TBC1D22A: variants seen among roughly 807,000 people sequenced by gnomAD.
TBC1D22A encodes the protein putative GTPase activator.
A neutral mutation model predicts 60.2 loss-of-function variants in TBC1D22A; 38 were observed. The observed-to-expected ratio is 0.63, with a 90% CI of 0.49 to 0.83. TBC1D22A has a LOEUF of 0.83. Ranked by LOEUF, TBC1D22A falls within the 40% of genes least tolerant of loss-of-function variation. TBC1D22A has a pLI of 0.00. For missense variants in TBC1D22A, 628 were observed against 701.0 expected, an observed-to-expected ratio of 0.90 and a Z score of 1.18; for synonymous variants, 302 against 281.7, an observed-to-expected ratio of 1.07 and a Z score of -0.72.
chr22:47,170,485 A>G (rs1271761350), intron 12 of TBC1D22A, among the ~76,000 whole-genome samples: 1 of 152,214 alleles, frequency 6.6e-6, no homozygotes, highest in African/African-American at 2.4e-5. Context: ...TTAGCCAGTG[A>G]AATTCGCTCC....
intron 4 of TBC1D22A, among the ~76,000 whole-genome samples, chr22:46,803,392 A>T (rs1412488523): frequency 6.6e-6 from 1 of 152,118 alleles, no homozygotes; most frequent in Non-Finnish European, 1.5e-5. Context: ...TGGAGGCCTG[A>T]GGAAGGGCGG....
chr22:46,793,412 G>T, intron 2 of TBC1D22A, 89 bp from the exon 3 acceptor site: 1 of 1,268,326 alleles, frequency 7.9e-7, no homozygotes, highest in Non-Finnish European at 1.1e-6. Flanking sequence ...ACACTTCTAT[G>T]CCTGTCTTTT....
chr22:46,985,239 G>T (rs573022116), intron 9 of TBC1D22A, among the ~76,000 whole-genome samples: 1 of 152,194 alleles, frequency 6.6e-6, no homozygotes, highest in Non-Finnish European at 1.5e-5. Context: ...CCTGGACGGG[G>T]CAGTGGAGCG....
At chr22:47,010,461 G>A (rs2061721238) in intron 10 of TBC1D22A, among the ~76,000 whole-genome samples, 1 of 152,240 alleles carries the variant, frequency 6.6e-6, no homozygotes, top group Admixed American at 6.5e-5. Context: ...TTGCTGTTAT[G>A]TGCGACCTAA....
intron 4 of TBC1D22A, among the ~76,000 whole-genome samples, chr22:46,841,337 A>G (rs1292355149): frequency 6.6e-6 from 1 of 152,236 alleles, no homozygotes; most frequent in Non-Finnish European, 1.5e-5. Context: ...CCGTTCCGCC[A>G]TGTGAGGACA....
At chr22:46,795,452 A>G (rs1569990) in intron 3 of TBC1D22A, among the ~76,000 whole-genome samples, 89,736 of 152,038 alleles carry the variant, frequency 0.59, 26,558 homozygotes, top group Middle Eastern at 0.7. Flanking sequence ...TCGGGGAGCT[A>G]TGAGATGTCA....
intron 1 of TBC1D22A, among the ~76,000 whole-genome samples, chr22:46,791,616 G>A (rs1337591937): frequency 6.6e-6 from 1 of 151,684 alleles, no homozygotes; most frequent in African/African-American, 2.4e-5. Context: ...CACAGGGCCA[G>A]CCGTGGCTGA....
intron 11 of TBC1D22A, among the ~76,000 whole-genome samples, chr22:47,072,423 C>T (rs966950844): frequency 3.4e-4 from 52 of 152,386 alleles, no homozygotes; most frequent in African/African-American, 1.1e-3. Flanking sequence ...TGCAGCAGTG[C>T]AGTGCCTGGG....
chr22:47,142,863 TCCATCCAC>T (rs1245621033), intron 12 of TBC1D22A, among the ~76,000 whole-genome samples: 1 of 118,734 alleles, frequency 8.4e-6, no homozygotes, highest in Non-Finnish European at 1.7e-5. Context: ...CACCCATCCA[TCCATCCAC>T]CCATCCACCC....
intron 8 of TBC1D22A, among the ~76,000 whole-genome samples, chr22:46,967,159 G>C (rs900096257): frequency 6.6e-5 from 10 of 152,202 alleles, no homozygotes; most frequent in African/African-American, 2.4e-4. Context: ...GTGTAACCTT[G>C]ATTGAGTTGA....
intron 8 of TBC1D22A, among the ~76,000 whole-genome samples, chr22:46,939,505 AC>A (rs2071859906): frequency 6.6e-6 from 1 of 152,212 alleles, no homozygotes; most frequent in Non-Finnish European, 1.5e-5. Flanking sequence ...ACGTTTATGG[AC>A]CAAATTTGGT....
At chr22:46,938,458 G>A (rs1418102394) in intron 8 of TBC1D22A, among the ~76,000 whole-genome samples, 1 of 152,104 alleles carries the variant, frequency 6.6e-6, no homozygotes, top group African/African-American at 2.4e-5. Flanking sequence ...TTCTCAGAAT[G>A]TGTCCCTGTT....
At chr22:47,114,800 G>A (rs2065972247) in intron 12 of TBC1D22A, among the ~76,000 whole-genome samples, 1 of 152,132 alleles carries the variant, frequency 6.6e-6, no homozygotes, top group African/African-American at 2.4e-5. Context: ...GAAAGGCAGA[G>A]ACCCTCCTGT....
chr22:46,945,606 C>T (rs1414320228), intron 8 of TBC1D22A, among the ~76,000 whole-genome samples: 2 of 152,150 alleles, frequency 1.3e-5, no homozygotes, highest in African/African-American at 2.4e-5. Context: ...ACATCAGAAG[C>T]CCCAGGGGGT....
At position 46,984,366 on chromosome 22, in the gene TBC1D22A, CAAAAAAAAAAAAAAAAAAAAAAAAAAAAA is replaced by C. The variant is rs136119; in HGVS notation, c.1125+9979_1125+10007del. ...GGGGCGACAGAACCAGACTCCATCT[CAAAAAAAAAAAAAAAAAAAAAAAAAAAAA>C]AAAAAAAAAAAGAGAAGTTCCAGGC... On this transcript the variant is annotated intron_variant, in intron 9 of 12. Coordinates refer to ENST00000337137, the MANE Select transcript of TBC1D22A (RefSeq NM_014346.5). Among the ~76,000 whole-genome samples the C allele has an allele frequency of 2.2e-4, 6 of 27,748 alleles. No homozygotes were observed. In the Admixed American group the frequency reaches 2.7e-3, roughly 13 times the overall value. 18.2% of individuals were successfully genotyped at this position (27,748 alleles called of 152,430 possible). A position where few individuals can be genotyped will look rare whatever the true frequency, so the allele number is the denominator to read the frequency against.
At chr22:47,102,878 C>T (rs2065471515) in intron 11 of TBC1D22A, among the ~76,000 whole-genome samples, 1 of 152,176 alleles carries the variant, frequency 6.6e-6, no homozygotes, top group Admixed American at 6.5e-5. Flanking sequence ...TGGAACTTCC[C>T]AGAGTACTCC....
rs58608393 is a variant in TBC1D22A at position 47,123,876 on chromosome 22, G to T, written c.1425+12273G>T. Among the ~76,000 whole-genome samples the T allele has an allele frequency of 2.0e-4, 31 of 152,250 alleles. No homozygotes were observed. In the East Asian group the frequency reaches 6.0e-3, roughly 29 times the overall value. ...GCTGTGAGATCAGGTTTGTGTTGCT[G>T]TGTGGGGTTTGTGTTGCTGTGTGGG... On this transcript the variant is annotated intron_variant, in intron 12 of 12. Coordinates refer to ENST00000337137, the MANE Select transcript of TBC1D22A (RefSeq NM_014346.5).
chr22:46,788,045 T>A (rs972007154), intron 1 of TBC1D22A, among the ~76,000 whole-genome samples: 23 of 151,312 alleles, frequency 1.5e-4, no homozygotes. Flanking sequence ...CACACCATTC[T>A]CTTGCCTCAG....
chr22:46,797,419 C>T (rs2084702213), intron 3 of TBC1D22A, 25 bp from the exon 4 acceptor site: 5 of 1,611,524 alleles, frequency 3.1e-6, no homozygotes, highest in East Asian at 2.2e-5. Flanking sequence ...CCCTCACCCT[C>T]ACCCCCATTC....
Sources: allele counts gnomAD v4.1 joint callset (sites outside exome capture counted in the v4.1 genomes callset), GRCh38; gene constraint gnomAD v4.1.1; transcripts MANE v1.5; gene names NCBI Gene and HGNC (gene_info 2026-07-23, HGNC 2026-07-21).